The following LRRC4C variants were observed in gnomAD, a reference collection of about 807,000 sequenced individuals.
LRRC4C encodes the protein leucine-rich repeat-containing protein 4C.
A neutral mutation model predicts 33.6 loss-of-function variants in LRRC4C; 5 were observed. That is an observed-to-expected ratio of 0.15 (90% CI 0.08 to 0.31). The LOEUF is 0.31. Ranked by LOEUF, LRRC4C falls within the 10% of genes least tolerant of loss-of-function variation. LRRC4C has a pLI of 1.00. For missense variants in LRRC4C, 560 were observed against 796.7 expected (o/e 0.70, Z 3.58); for synonymous variants, 329 against 302.0 (o/e 1.09, Z -0.93).
intron 1 of LRRC4C, among the ~76,000 whole-genome samples, chr11:41,288,992 A>G (rs1949915901): frequency 6.6e-6 from 1 of 152,086 alleles, no homozygotes; most frequent in Admixed American, 6.6e-5. Flanking sequence ...GTAACTCAAA[A>G]TCAATTGACT....
intron 2 of LRRC4C, among the ~76,000 whole-genome samples, chr11:40,842,137 T>G (rs192994287): frequency 5.3e-5 from 8 of 152,306 alleles, no homozygotes; most frequent in Admixed American, 2.0e-4. Context: ...TGTTATTAAT[T>G]CATTATCACT....
chr11:41,437,010 T>C (rs1166045798), intron 1 of LRRC4C, among the ~76,000 whole-genome samples: 1 of 152,214 alleles, frequency 6.6e-6, no homozygotes, highest in Non-Finnish European at 1.5e-5. Flanking sequence ...AACTTTTTGT[T>C]AGTATCTCCA....
At chr11:41,433,521 A>C (rs1214005063) in intron 1 of LRRC4C, among the ~76,000 whole-genome samples, 3 of 152,164 alleles carry the variant, frequency 2.0e-5, no homozygotes, top group Non-Finnish European at 4.4e-5. Context: ...CATTTGAGTC[A>C]GTGGGCTGGG....
chr11:41,425,273 A>T (rs549942857), intron 1 of LRRC4C, among the ~76,000 whole-genome samples: 3 of 152,214 alleles, frequency 2.0e-5, no homozygotes, highest in Admixed American at 2.0e-4. Flanking sequence ...CTGAGAAAGC[A>T]GGAGTTCCCA....
chr11:40,484,901 G>A (rs1387136521), intron 3 of LRRC4C, among the ~76,000 whole-genome samples: 1 of 151,990 alleles, frequency 6.6e-6, no homozygotes, highest in Admixed American at 6.6e-5. Context: ...AAAATAAAAG[G>A]CATGTAAATA....
intron 2 of LRRC4C, among the ~76,000 whole-genome samples, chr11:40,857,774 G>C (rs1181858409): frequency 6.6e-6 from 1 of 152,042 alleles, no homozygotes; most frequent in Non-Finnish European, 1.5e-5. Context: ...AATTAGCCAG[G>C]CATGGTGGCA....
intron 1 of LRRC4C, among the ~76,000 whole-genome samples, chr11:41,061,874 T>C (rs1937796348): frequency 6.6e-6 from 1 of 151,702 alleles, no homozygotes; most frequent in African/African-American, 2.4e-5. Context: ...TGCTGGGAAA[T>C]GCAATATGGC....
intron 1 of LRRC4C, among the ~76,000 whole-genome samples, chr11:41,237,517 C>T (rs1281577306): frequency 1.3e-5 from 2 of 152,164 alleles, no homozygotes; most frequent in African/African-American, 4.8e-5. Context: ...ATTTACATGT[C>T]AGCTGTAATA....
At chr11:40,209,315 G>C (rs923414962) in intron 5 of LRRC4C, among the ~76,000 whole-genome samples, 1 of 152,048 alleles carries the variant, frequency 6.6e-6, no homozygotes, top group African/African-American at 2.4e-5. Context: ...AGGTCCTCTA[G>C]TAGATTCTTC....
At chr11:41,396,154 C>T (rs944319906) in intron 1 of LRRC4C, among the ~76,000 whole-genome samples, 1 of 151,926 alleles carries the variant, frequency 6.6e-6, no homozygotes, top group African/African-American at 2.4e-5. Context: ...CCCCCCGTTG[C>T]AGATATTAGT....
chr11:41,332,762 T>C (rs372897639), intron 1 of LRRC4C, among the ~76,000 whole-genome samples: 1 of 152,236 alleles, frequency 6.6e-6, no homozygotes, highest in East Asian at 1.9e-4. Context: ...AGCATTCTAT[T>C]AGCAACTTGG....
At chr11:41,343,064 C>T (rs898479206) in intron 1 of LRRC4C, among the ~76,000 whole-genome samples, 11 of 152,316 alleles carry the variant, frequency 7.2e-5, no homozygotes, top group Non-Finnish European at 1.6e-4. Context: ...TCTCACTTCT[C>T]ACTGGATTTA....
At chr11:41,409,691 A>C (rs987524747) in intron 1 of LRRC4C, among the ~76,000 whole-genome samples, 6 of 152,192 alleles carry the variant, frequency 3.9e-5, no homozygotes, top group African/African-American at 1.4e-4. Context: ...CAAGAAAAAG[A>C]AGCACTCCAT....
intron 3 of LRRC4C, among the ~76,000 whole-genome samples, chr11:40,545,735 T>C (rs1956886351): frequency 6.6e-6 from 1 of 151,978 alleles, no homozygotes. Context: ...AAGGGAGAGA[T>C]ACCTTTCTGT....
chr11:40,674,790 G>A (rs773204132), intron 2 of LRRC4C, among the ~76,000 whole-genome samples: 4 of 152,144 alleles, frequency 2.6e-5, no homozygotes, highest in Non-Finnish European at 2.9e-5. Context: ...TGTAGGCTCT[G>A]TGCTAAAAGC....
At chr11:40,277,603 A>T (rs1943203346) in intron 4 of LRRC4C, among the ~76,000 whole-genome samples, 1 of 152,122 alleles carries the variant, frequency 6.6e-6, no homozygotes, top group Non-Finnish European at 1.5e-5. Flanking sequence ...AAGTAGTCCC[A>T]TGTGAGAGGC....
intron 2 of LRRC4C, among the ~76,000 whole-genome samples, chr11:40,864,004 T>C (rs954742817): frequency 6.6e-6 from 1 of 152,082 alleles, no homozygotes; most frequent in African/African-American, 2.4e-5. Context: ...AAAATAATTA[T>C]ATTGATGGCA....
intron 2 of LRRC4C, among the ~76,000 whole-genome samples, chr11:40,842,607 T>C: frequency 6.6e-6 from 1 of 152,156 alleles, no homozygotes. Flanking sequence ...TTATTAACTA[T>C]GGTCACTGTA....
intron 1 of LRRC4C, among the ~76,000 whole-genome samples, chr11:41,123,242 C>T (rs1031025770): frequency 1.0e-4 from 14 of 140,324 alleles, no homozygotes; most frequent in African/African-American, 3.8e-4. Flanking sequence ...AATGCTTTCT[C>T]TATCCTGAGC....
Sources: allele counts gnomAD v4.1 joint callset (sites outside exome capture counted in the v4.1 genomes callset), GRCh38; gene constraint gnomAD v4.1.1; transcripts MANE v1.5; gene names NCBI Gene and HGNC (gene_info 2026-07-23, HGNC 2026-07-21).